TANC2: variants seen among roughly 807,000 people sequenced by gnomAD.
The protein encoded by TANC2 is protein TANC2.
In TANC2, 26 loss-of-function variants were observed where a neutral mutation model predicts 210.5. The ratio of observed to expected loss-of-function variants is 0.12; its 90% CI spans 0.09 to 0.17. The LOEUF is 0.17. Among genes scored for constraint, TANC2 ranks in the 10% least tolerant of loss-of-function variants. The probability of loss-of-function intolerance (pLI) is 1.00; values close to 1 mark genes in which losing one functional copy is unlikely to be tolerated. For missense variants in TANC2, 2,129 were observed against 2,608.9 expected, an observed-to-expected ratio of 0.82 and a Z score of 4.01; for synonymous variants, 931 against 967.1, an observed-to-expected ratio of 0.96 and a Z score of 0.69.
chr17:63,327,440 A>G (rs549961806), intron 11 of TANC2, among the ~76,000 whole-genome samples: 1 of 152,342 alleles, frequency 6.6e-6, no homozygotes, highest in Non-Finnish European at 1.5e-5. Flanking sequence ...TTGCAGCATC[A>G]TTTGCAGTAG....
chr17:62,976,904 C>G (rs1040473229), intron 1 of TANC2, among the ~76,000 whole-genome samples: 1 of 152,134 alleles, frequency 6.6e-6, no homozygotes, highest in Non-Finnish European at 1.5e-5. Context: ...GCCTTTGCCT[C>G]TTTTAAAAAG....
chr17:62,986,449 G>A (rs566879039), intron 1 of TANC2, among the ~76,000 whole-genome samples: 2 of 152,262 alleles, frequency 1.3e-5, no homozygotes, highest in Admixed American at 6.5e-5. Context: ...GGCCCATGGG[G>A]CTACTTCTCT....
At chr17:63,119,036 C>A (rs543215633) in intron 4 of TANC2, among the ~76,000 whole-genome samples, 295 of 152,226 alleles carry the variant, frequency 1.9e-3, no homozygotes, top group African/African-American at 6.9e-3. Flanking sequence ...CCCACCCCAG[C>A]CTCCCAAAGT....
intron 1 of TANC2, among the ~76,000 whole-genome samples, chr17:62,980,591 C>T (rs1261583882): frequency 1.3e-5 from 2 of 152,104 alleles, no homozygotes; most frequent in Non-Finnish European, 2.9e-5. Context: ...ACTTCCTCTC[C>T]TCCATTGATT....
At chr17:63,122,252 A>G (rs1390326368) in intron 4 of TANC2, among the ~76,000 whole-genome samples, 1 of 152,216 alleles carries the variant, frequency 6.6e-6, no homozygotes, top group African/African-American at 2.4e-5. Flanking sequence ...TTAATCTAGC[A>G]TCTCTAAAAC....
chr17:63,144,838 A>G (rs2039411061), intron 4 of TANC2, among the ~76,000 whole-genome samples: 1 of 152,156 alleles, frequency 6.6e-6, no homozygotes, highest in Non-Finnish European at 1.5e-5. Context: ...AAAGATTATC[A>G]TATCAAATTT....
chr17:63,421,631 C>A lies in TANC2; in HGVS notation c.5901C>A (p.Gly1967=). 39 of 1,614,044 alleles carry A rather than the reference C, an allele frequency of 2.4e-5. No homozygotes were observed. Among genetic ancestry groups the A allele is most frequent in the Non-Finnish European group, 3.2e-5 (38 of 1,179,890 alleles). Residue 1967 remains glycine (G), a synonymous_variant, in exon 28 of 28, where the codon GGC becomes GGA. Coordinates refer to ENST00000689528, the Ensembl canonical transcript of TANC2. The surrounding 1 kb of genome is among the most constrained non-coding windows in gnomAD (Gnocchi z 6.9). ...CCGTCCTCAGTCCCACGTCTCCAGG[C>A]AACCTGCCTCAGCCTGAGTCCTTCA...
intron 4 of TANC2, among the ~76,000 whole-genome samples, chr17:63,114,980 ATTAT>A (rs1185693774): frequency 6.6e-6 from 1 of 152,194 alleles, no homozygotes; most frequent in Non-Finnish European, 1.5e-5. Context: ...GTTAGAAAAA[ATTAT>A]TTGTTGTCCA....
At chr17:63,009,542 C>A in exon 2 of TANC2, 1 of 1,609,228 alleles carries the variant, frequency 6.2e-7, no homozygotes, top group Non-Finnish European at 8.5e-7. Flanking sequence ...TACAGTTTTG[C>A]AGTAGAAGAG....
At chr17:63,325,331 A>G (rs1401121944) in intron 11 of TANC2, among the ~76,000 whole-genome samples, 1 of 152,236 alleles carries the variant, frequency 6.6e-6, no homozygotes, top group Non-Finnish European at 1.5e-5. Context: ...CCTTGAAAGT[A>G]AAAAGCTATG....
intron 9 of TANC2, among the ~76,000 whole-genome samples, chr17:63,294,728 A>T (rs937741913): frequency 6.6e-6 from 1 of 152,178 alleles, no homozygotes; most frequent in Admixed American, 6.5e-5. Context: ...ATGCATTTCA[A>T]AGTAAATTGC....
At chr17:63,305,964 C>T (rs1476356952) in intron 9 of TANC2, among the ~76,000 whole-genome samples, 2 of 152,200 alleles carry the variant, frequency 1.3e-5, no homozygotes, top group Non-Finnish European at 2.9e-5. Context: ...AGCCATGTTA[C>T]AGAAAGCCGT....
At chr17:63,337,320 T>G (rs1202855091) in intron 11 of TANC2, among the ~76,000 whole-genome samples, 1 of 152,098 alleles carries the variant, frequency 6.6e-6, no homozygotes, top group Non-Finnish European at 1.5e-5. Flanking sequence ...GCCTCATACC[T>G]TTGTGGATAT....
chr17:63,103,308 C>G (rs1482114225), intron 4 of TANC2, among the ~76,000 whole-genome samples: 1 of 152,086 alleles, frequency 6.6e-6, no homozygotes, highest in East Asian at 1.9e-4. Flanking sequence ...AGATATAGGT[C>G]CATTTCCAAA....
intron 14 of TANC2, among the ~76,000 whole-genome samples, chr17:63,373,927 A>G (rs1485914455): frequency 6.6e-6 from 1 of 151,882 alleles, no homozygotes; most frequent in Non-Finnish European, 1.5e-5. Flanking sequence ...GTTGCAATGA[A>G]CCAAGATCAT....
intron 5 of TANC2, among the ~76,000 whole-genome samples, chr17:63,191,090 T>C (rs1259445094): frequency 2.0e-5 from 3 of 151,996 alleles, no homozygotes; most frequent in Admixed American, 2.0e-4. Flanking sequence ...TAGCAGTTAC[T>C]TGCAAGTGGG....
chr17:63,194,045 C>T, exon 6 of TANC2: 2 of 1,613,262 alleles, frequency 1.2e-6, no homozygotes, highest in African/African-American at 1.3e-5. Flanking sequence ...GCAGCAAACA[C>T]ACTCATGACT....
intron 2 of TANC2, among the ~76,000 whole-genome samples, chr17:63,057,665 T>C (rs932181487): frequency 2.0e-5 from 3 of 152,210 alleles, no homozygotes; most frequent in East Asian, 1.9e-4. Flanking sequence ...CTCCCACTTA[T>C]GAGTGAGAAT....
chr17:63,177,824 C>T (rs1298035222), intron 5 of TANC2, among the ~76,000 whole-genome samples: 1 of 152,346 alleles, frequency 6.6e-6, no homozygotes, highest in East Asian at 1.9e-4. Flanking sequence ...TCAAGCCTCT[C>T]CTCGTAAGAT....
Sources: gnomAD v4.1 joint callset for allele counts (sites outside exome capture counted in the v4.1 genomes callset) on GRCh38, gnomAD v4.1.1 for gene constraint, Gnocchi (gnomAD v3.1) non-coding constraint, MANE v1.5 for transcripts, NCBI Gene and HGNC (gene_info 2026-07-23, HGNC 2026-07-21) for gene names.